The following FGF14 variants were observed in gnomAD, a reference collection of about 807,000 sequenced individuals.
The protein encoded by FGF14 is fibroblast growth factor homologous factor 4.
In FGF14, 5 loss-of-function variants were observed where a neutral mutation model predicts 25.5. The ratio of observed to expected loss-of-function variants is 0.20; its 90% CI spans 0.10 to 0.41. The LOEUF (loss-of-function observed/expected upper bound fraction) is 0.41. FGF14 is among the 10% of genes least tolerant of loss of function. The pLI is 1.00. For synonymous variants in FGF14, 138 were observed against 118.3 expected (o/e 1.17, Z -1.08); for missense variants, 222 against 320.1 (o/e 0.69, Z 2.34).
At chr13:102,349,067 A>T (rs561219466) in intron 1 of FGF14, among the ~76,000 whole-genome samples, 41 of 152,276 alleles carry the variant, frequency 2.7e-4, no homozygotes, top group African/African-American at 9.6e-4. Context: ...GAGTGGGGTA[A>T]TGATACTAGC....
chr13:102,388,292 T>G (rs2058352839), intron 1 of FGF14, among the ~76,000 whole-genome samples: 1 of 152,174 alleles, frequency 6.6e-6, no homozygotes, highest in Non-Finnish European at 1.5e-5. Flanking sequence ...GACTCCAAAT[T>G]GCATAAGAAA....
chr13:102,085,961 G>C (rs1415039470), intron 1 of FGF14, among the ~76,000 whole-genome samples: 1 of 152,136 alleles, frequency 6.6e-6, no homozygotes, highest in Non-Finnish European at 1.5e-5. Context: ...TATTTTCTTA[G>C]CTGTATTAAA....
intron 1 of FGF14, among the ~76,000 whole-genome samples, chr13:102,008,855 A>G (rs1244250605): frequency 6.6e-6 from 1 of 152,182 alleles, no homozygotes; most frequent in East Asian, 1.9e-4. Flanking sequence ...TGGGTGGGAA[A>G]GATCAAGAAA....
intron 1 of FGF14, among the ~76,000 whole-genome samples, chr13:102,127,438 C>T (rs1268073582): frequency 2.6e-5 from 4 of 152,188 alleles, no homozygotes; most frequent in African/African-American, 4.8e-5. Context: ...TAAGTTGTAA[C>T]GCAAGGCTTC....
intron 1 of FGF14, among the ~76,000 whole-genome samples, chr13:101,969,562 A>C (rs1332765589): frequency 6.6e-6 from 1 of 152,182 alleles, no homozygotes; most frequent in Non-Finnish European, 1.5e-5. Context: ...GTGAAACCCT[A>C]ATCAATAGCC....
chr13:102,267,150 T>C (rs909232478), intron 1 of FGF14, among the ~76,000 whole-genome samples: 11 of 152,170 alleles, frequency 7.2e-5, no homozygotes, highest in Non-Finnish European at 1.5e-4. Context: ...TGTAATTTTA[T>C]TTTATTATTA....
At chr13:101,932,899 T>C (rs1034535765) in intron 1 of FGF14, among the ~76,000 whole-genome samples, 1 of 152,148 alleles carries the variant, frequency 6.6e-6, no homozygotes, top group Admixed American at 6.5e-5. Flanking sequence ...CAATGAATTT[T>C]GAGATCAAAA....
intron 1 of FGF14, among the ~76,000 whole-genome samples, chr13:102,326,398 A>G (rs2056424500): frequency 6.6e-6 from 1 of 152,068 alleles, no homozygotes; most frequent in East Asian, 1.9e-4. Flanking sequence ...AAAGAAGAAT[A>G]CTGACCTCTT....
rs967929663 is a variant in FGF14, at chr13:101,710,831, T to C, written c.*12000A>G. 22 of 152,170 alleles carry C rather than the reference T, an allele frequency of 1.4e-4. No individual in the cohort carries two copies. Among genetic ancestry groups the C allele is most frequent in the African/African-American group, 5.1e-4 (21 of 41,444 alleles). The allele number at this position is 152,170 out of a possible 1,614,324, so 9.4% of individuals were successfully genotyped here. A position where few individuals can be genotyped will look rare whatever the true frequency, so the allele number is the denominator to read the frequency against. ...CGATGAAGAAATAGCGTTTTATTTC[T>C]TTACAAATTTATAGCCAAGACAATA... is the stretch of plus-strand genomic sequence containing the variant. On this transcript the variant is annotated 3_prime_UTR_variant, in exon 5 of 5. Coordinates refer to ENST00000376143, the MANE Select transcript of FGF14 (RefSeq NM_004115.4).
At chr13:102,380,516 G>A (rs1243808611) in intron 1 of FGF14, among the ~76,000 whole-genome samples, 3 of 152,116 alleles carry the variant, frequency 2.0e-5, no homozygotes, top group Non-Finnish European at 4.4e-5. Context: ...TACTTCAGGA[G>A]AGGCTCTACC....
chr13:101,861,630 AT>A (rs1231953393), intron 3 of FGF14, among the ~76,000 whole-genome samples: 1 of 152,108 alleles, frequency 6.6e-6, no homozygotes, highest in African/African-American at 2.4e-5. Context: ...CCTTTCTAAA[AT>A]TAAGGAGTGG....
intron 1 of FGF14, among the ~76,000 whole-genome samples, chr13:101,898,214 G>C (rs1594648110): frequency 6.6e-6 from 1 of 151,862 alleles, no homozygotes; most frequent in South Asian, 2.1e-4. Flanking sequence ...TTTAGATGAG[G>C]GATCTTCAAA....
chr13:101,945,331 G>C (rs1261584615), intron 1 of FGF14, among the ~76,000 whole-genome samples: 1 of 151,916 alleles, frequency 6.6e-6, no homozygotes, highest in Admixed American at 6.6e-5. Flanking sequence ...AAAAATAATG[G>C]TTACAATATT....
intron 3 of FGF14, among the ~76,000 whole-genome samples, chr13:101,834,404 C>T (rs775399248): frequency 2.0e-4 from 30 of 151,990 alleles, no homozygotes; most frequent in Non-Finnish European, 4.1e-4. Flanking sequence ...ATGTGGTGGT[C>T]CATAGCTACA....
chr13:101,737,357 C>T (rs575571039), intron 3 of FGF14, among the ~76,000 whole-genome samples: 12 of 151,918 alleles, frequency 7.9e-5, no homozygotes, highest in African/African-American at 2.2e-4. Context: ...TTATGTCCAA[C>T]GAAAAAGTGA....
At chr13:101,727,542 C>G (rs1177540483) in intron 3 of FGF14, among the ~76,000 whole-genome samples, 1 of 152,116 alleles carries the variant, frequency 6.6e-6, no homozygotes, top group East Asian at 1.9e-4. Flanking sequence ...CTATTATGCT[C>G]AATGCCATGG....
intron 1 of FGF14, among the ~76,000 whole-genome samples, chr13:102,242,741 C>T (rs2051666675): frequency 1.3e-5 from 2 of 152,074 alleles, no homozygotes; most frequent in Admixed American, 1.3e-4. Context: ...GCATTATCTC[C>T]TCTGGGCATA....
At chr13:102,371,882 C>A (rs965546347) in intron 1 of FGF14, among the ~76,000 whole-genome samples, 21 of 151,978 alleles carry the variant, frequency 1.4e-4, no homozygotes, top group African/African-American at 4.8e-4. Flanking sequence ...CAAACTTCAA[C>A]CCTGTTTAAT....
intron 1 of FGF14, among the ~76,000 whole-genome samples, chr13:102,345,793 T>C (rs2057088977): frequency 6.6e-6 from 1 of 152,242 alleles, no homozygotes; most frequent in African/African-American, 2.4e-5. Context: ...TTATATATTC[T>C]ATTTCTTCAG....
Sources: allele counts gnomAD v4.1 joint callset (sites outside exome capture counted in the v4.1 genomes callset), GRCh38; gene constraint gnomAD v4.1.1; transcripts MANE v1.5; gene names NCBI Gene and HGNC (gene_info 2026-07-23, HGNC 2026-07-21).